The following CEP85L variants were observed in gnomAD, a reference collection of about 807,000 sequenced individuals.
CEP85L encodes centrosomal protein of 85 kDa-like.
Under a neutral mutation model 100.3 loss-of-function variants are expected in CEP85L, and 60 were observed. The observed-to-expected ratio is 0.60, with a 90% CI of 0.49 to 0.74. The LOEUF is 0.74. Among genes scored for constraint, CEP85L ranks in the 30% least tolerant of loss-of-function variants. The pLI is 0.00. For synonymous variants in CEP85L, 319 were observed against 322.7 expected, an observed-to-expected ratio of 0.99 and a Z score of 0.12; for missense variants, 973 against 936.2, an observed-to-expected ratio of 1.04 and a Z score of -0.51.
chr6:118,527,002 CTTTTTT>C (rs764883723), intron 3 of CEP85L, among the ~76,000 whole-genome samples: 17,946 of 98,804 alleles, frequency 0.18, 1,117 homozygotes, highest in Middle Eastern at 0.25. Flanking sequence ...TTTACTTTTT[CTTTTTT>C]TTTTTTTTTT....
rs1779469151 is a variant in CEP85L at position 118,565,858 on chromosome 6, T to C, written c.691A>G (p.Lys231Glu). 1 of 1,613,988 alleles carries C rather than the reference T, an allele frequency of 6.2e-7. No individual in the cohort carries two copies. Among genetic ancestry groups the C allele is most frequent in the Admixed American group, 1.7e-5 (1 of 60,010 alleles). Residue 231 changes from lysine (K) to glutamate (E), a missense_variant, in exon 3 of 13, where the codon AAA (lysine) becomes GAA (glutamate). Physicochemically the swap from Lys to Glu is moderately conservative, Grantham distance 56. This residue lies in a region of CEP85L where 890 missense variants were observed against 844.5 expected (regional missense o/e 1.05). Coordinates refer to ENST00000368491, the MANE Select transcript of CEP85L (RefSeq NM_001042475.3). ...KRSSTLDCKY[K>E]FESCSKEDFR... is the part of the protein sequence containing the mutation. ...TCCTCCTTGCTACAGCTCTCAAATT[T>C]ATACTTGCAGTCCAGAGTTGATGAC...
chr6:118,622,506 C>T (rs1383177930), intron 2 of CEP85L, among the ~76,000 whole-genome samples: 1 of 152,198 alleles, frequency 6.6e-6, no homozygotes, highest in Non-Finnish European at 1.5e-5. Flanking sequence ...AAAGGGCAGG[C>T]TATGCCATAG....
chr6:118,625,925 A>AC (rs372668163), intron 2 of CEP85L, among the ~76,000 whole-genome samples: 107,717 of 151,992 alleles, frequency 0.71, 38,895 homozygotes, highest in African/African-American at 0.75. Context: ...AATTTAACTC[A>AC]AGCTTCTACC....
intron 1 of CEP85L, among the ~76,000 whole-genome samples, chr6:118,695,052 A>C (rs1020770466): frequency 4.6e-5 from 7 of 151,950 alleles, no homozygotes; most frequent in African/African-American, 1.7e-4. Flanking sequence ...TTCCACCCAT[A>C]CTCTTTCCTT....
At chr6:118,646,852 CT>C (rs1178709608) in intron 1 of CEP85L, 1 of 808,088 alleles carries the variant, frequency 1.2e-6, no homozygotes, top group Non-Finnish European at 1.5e-6. Context: ...TCTCTCAACC[CT>C]TTCTGTTCAC....
chr6:118,469,107 T>C lies in CEP85L; in HGVS notation c.2219A>G (p.Lys740Arg), dbSNP rs1214286153. ...CAGTAATAATGAAAGATTAGGCTCC[T>C]TGCCCTGAGCACGCTGATTAAGAAT... ...CSILNQRAQG[K>R]EPNLSLLLGI... is the part of the protein sequence containing the mutation. The change falls in exon 12 of 13, where the codon AAG (lysine) becomes AGG (arginine). Residue 740 changes from lysine (K) to arginine (R), a missense_variant. By Grantham distance (26) the Lys-to-Arg change is conservative (BLOSUM62 2). Transcript: ENST00000368491. 6.2e-7 allele frequency: 1 copy of C among 1,613,864 alleles called. No individual in the cohort carries two copies. The highest frequency in any genetic ancestry group is 1.7e-4 in the Middle Eastern group (1 of 6,054).
intron 4 of CEP85L, 85 bp from the exon 5 acceptor site, chr6:118,511,500 T>G (rs1775968237): frequency 1.3e-6 from 1 of 771,858 alleles, no homozygotes; most frequent in African/African-American, 1.7e-5. Context: ...CCTCTTAGAT[T>G]CCTTTAATAT....
At chr6:118,621,810 C>A (rs919972767) in intron 2 of CEP85L, among the ~76,000 whole-genome samples, 2 of 152,182 alleles carry the variant, frequency 1.3e-5, no homozygotes, top group South Asian at 2.1e-4. Context: ...TCCTTGGAAT[C>A]GCCGGCTTTT....
intron 3 of CEP85L, among the ~76,000 whole-genome samples, chr6:118,548,742 C>A (rs1012948188): frequency 7.9e-5 from 12 of 152,040 alleles, no homozygotes; most frequent in Non-Finnish European, 1.8e-4. Context: ...TGGTTAATTT[C>A]TCCATGCAAA....
chr6:118,564,513 G>A (rs1583058538), intron 3 of CEP85L, among the ~76,000 whole-genome samples: 1 of 152,148 alleles, frequency 6.6e-6, no homozygotes, highest in East Asian at 1.9e-4. Context: ...TATAAGAACT[G>A]TATCTAAAAT....
At chr6:118,676,645 C>T (rs1019271942) in intron 1 of CEP85L, among the ~76,000 whole-genome samples, 10 of 152,326 alleles carry the variant, frequency 6.6e-5, no homozygotes, top group Admixed American at 2.6e-4. Context: ...CTACAATGAA[C>T]ATTGAAGTGC....
At chr6:118,651,699 G>T (rs866305088), upstream of CEP85L, 15 of 659,578 alleles carry the variant, frequency 2.3e-5, no homozygotes, top group East Asian at 1.8e-3. Context: ...GGGGACTGCG[G>T]GGGGCGGGGA....
chr6:118,575,740 A>G (rs1780187135), intron 2 of CEP85L, among the ~76,000 whole-genome samples: 1 of 152,132 alleles, frequency 6.6e-6, no homozygotes, highest in Non-Finnish European at 1.5e-5. Context: ...TGCAGTCCTT[A>G]GAGTCTATGG....
intron 2 of CEP85L, among the ~76,000 whole-genome samples, chr6:118,570,594 C>T (rs980729494): frequency 1.3e-5 from 2 of 152,116 alleles, no homozygotes; most frequent in African/African-American, 4.8e-5. Flanking sequence ...TCCTAAAATT[C>T]CCTTATTACA....
chr6:118,688,645 C>T (rs940771236), intron 1 of CEP85L, among the ~76,000 whole-genome samples: 2 of 152,198 alleles, frequency 1.3e-5, no homozygotes, highest in African/African-American at 4.8e-5. Flanking sequence ...CAACTGACCA[C>T]AAGTCTAATA....
chr6:118,514,518 C>T (rs549614804), intron 4 of CEP85L, among the ~76,000 whole-genome samples: 1 of 105,900 alleles, frequency 9.4e-6, no homozygotes. Context: ...GAGCAAGACA[C>T]TGTCTCAAAA....
chr6:118,669,282 A>G (rs891644869), intron 1 of CEP85L, among the ~76,000 whole-genome samples: 1 of 152,228 alleles, frequency 6.6e-6, no homozygotes, highest in Non-Finnish European at 1.5e-5. Flanking sequence ...TTACCAACTC[A>G]GATCTGCTTT....
chr6:118,559,221 T>G, intron 3 of CEP85L: 1 of 762,348 alleles, frequency 1.3e-6, no homozygotes, highest in Non-Finnish European at 2.4e-6. Flanking sequence ...AGATTAAGAC[T>G]AAAACTTATT....
intron 2 of CEP85L, among the ~76,000 whole-genome samples, chr6:118,597,044 A>G (rs1047805249): frequency 1.7e-5 from 2 of 116,856 alleles, no homozygotes; most frequent in South Asian, 5.5e-4. Context: ...TGATGGCTTC[A>G]TAAGGAAATT....
Sources: allele counts gnomAD v4.1 joint callset (sites outside exome capture counted in the v4.1 genomes callset), GRCh38; gene constraint gnomAD v4.1.1; regional missense constraint gnomAD v4.1.1; transcripts MANE v1.5; gene names NCBI Gene and HGNC (gene_info 2026-07-23, HGNC 2026-07-21).